MACROD2: variants seen among roughly 807,000 people sequenced by gnomAD.
The protein encoded by MACROD2 is ADP-ribose glycohydrolase MACROD2.
Under a neutral mutation model 70.4 loss-of-function variants are expected in MACROD2, and 36 were observed. The observed-to-expected ratio is 0.51, with a 90% confidence interval of 0.39 to 0.68. The LOEUF (loss-of-function observed/expected upper bound fraction) is 0.68. Ranked by LOEUF, MACROD2 falls within the 30% of genes least tolerant of loss-of-function variation. MACROD2 has a pLI of 0.00. For synonymous variants in MACROD2, 172 were observed against 178.8 expected, an observed-to-expected ratio of 0.96 and a Z score of 0.30; for missense variants, 496 against 538.4, an observed-to-expected ratio of 0.92 and a Z score of 0.78.
At chr20:15,332,986 G>A (rs2078009143) in intron 6 of MACROD2, among the ~76,000 whole-genome samples, 1 of 151,662 alleles carries the variant, frequency 6.6e-6, no homozygotes. Context: ...CCTGTAATGT[G>A]TGGTTAGAGG....
chr20:14,635,915 T>C (rs1206030566), intron 4 of MACROD2, among the ~76,000 whole-genome samples: 3 of 152,212 alleles, frequency 2.0e-5, no homozygotes, highest in Non-Finnish European at 4.4e-5. Flanking sequence ...TTCCCAATGA[T>C]ATGAGACAAA....
intron 8 of MACROD2, among the ~76,000 whole-genome samples, chr20:15,522,406 A>G (rs966218005): frequency 2.6e-5 from 4 of 152,238 alleles, no homozygotes; most frequent in Non-Finnish European, 5.9e-5. Context: ...GTTAGCTGAT[A>G]CTAAATCACA....
chr20:14,834,626 G>T (rs1178093556), intron 5 of MACROD2, among the ~76,000 whole-genome samples: 1 of 151,992 alleles, frequency 6.6e-6, no homozygotes, highest in Non-Finnish European at 1.5e-5. Flanking sequence ...ATATATTAGA[G>T]AATTTTTAAA....
Position 15,361,078 on chromosome 20 carries a change from A to G in MACROD2, c.541-70327A>G, listed in dbSNP as rs1172538261. ...TACATTTTGATAAAGTTTAATTTAT[A>G]GATTTTTTTCTTTTACAGATCATGC... On this transcript the variant is annotated intron_variant, in intron 6 of 17. Coordinates refer to ENST00000684519, the MANE Select transcript of MACROD2 (RefSeq NM_001351661.2). Among the ~76,000 whole-genome samples the G allele has an allele frequency of 2.6e-5, 4 of 152,104 alleles. No homozygotes were observed. In the East Asian group the frequency reaches 7.7e-4, roughly 29 times the overall value.
chr20:15,791,458 A>G (rs1478559401), intron 8 of MACROD2, among the ~76,000 whole-genome samples: 2 of 151,862 alleles, frequency 1.3e-5, no homozygotes, highest in African/African-American at 4.8e-5. Flanking sequence ...AAAAAAAAGG[A>G]TGTTCAAAAT....
At chr20:14,481,262 G>A (rs1262591153) in intron 3 of MACROD2, among the ~76,000 whole-genome samples, 1 of 151,944 alleles carries the variant, frequency 6.6e-6, no homozygotes, top group Non-Finnish European at 1.5e-5. Flanking sequence ...AGAAATATAT[G>A]CCCTCTTTAA....
chr20:15,201,826 A>G (rs138798093), intron 5 of MACROD2, among the ~76,000 whole-genome samples: 251 of 152,316 alleles, frequency 1.6e-3, no homozygotes, highest in African/African-American at 5.9e-3. Flanking sequence ...TCTGAGATAC[A>G]GGAAAAGAGA....
intron 2 of MACROD2, among the ~76,000 whole-genome samples, chr20:14,035,976 A>C (rs2053303516): frequency 6.6e-6 from 1 of 152,172 alleles, no homozygotes; most frequent in Non-Finnish European, 1.5e-5. Flanking sequence ...CCCCGTCTCT[A>C]CTAAAAATAC....
chr20:14,354,232 C>T (rs1277606772), intron 3 of MACROD2, among the ~76,000 whole-genome samples: 2 of 152,102 alleles, frequency 1.3e-5, no homozygotes, highest in East Asian at 3.8e-4. Flanking sequence ...GTTATTTGTA[C>T]TTTTCTTATT....
intron 5 of MACROD2, among the ~76,000 whole-genome samples, chr20:15,077,750 C>T (rs1342810259): frequency 6.6e-6 from 1 of 152,098 alleles, no homozygotes; most frequent in African/African-American, 2.4e-5. Flanking sequence ...TATATAGATG[C>T]CATTTCTTAC....
chr20:15,985,649 GTCAC>G (rs2066469962), intron 13 of MACROD2: 1 of 152,516 alleles, frequency 6.6e-6, no homozygotes, highest in African/African-American at 2.4e-5. Flanking sequence ...TTTGGATCCT[GTCAC>G]TCAGGCTGGC....
At chr20:15,047,638 A>G (rs1326260788) in intron 5 of MACROD2, among the ~76,000 whole-genome samples, 3 of 152,094 alleles carry the variant, frequency 2.0e-5, no homozygotes, top group Non-Finnish European at 1.5e-5. Context: ...TATTCTAGCC[A>G]CCCTGCCCCT....
At chr20:14,535,055 A>G (rs948444563) in intron 4 of MACROD2, among the ~76,000 whole-genome samples, 1 of 152,236 alleles carries the variant, frequency 6.6e-6, no homozygotes, top group Non-Finnish European at 1.5e-5. Flanking sequence ...GACTCTGTCT[A>G]TTGGGAGCTG....
chr20:14,009,986 G>T (rs574723941), intron 2 of MACROD2, among the ~76,000 whole-genome samples: 1 of 152,240 alleles, frequency 6.6e-6, no homozygotes, highest in African/African-American at 2.4e-5. Flanking sequence ...AAGGATGGGA[G>T]GAGTGAGAGC....
chr20:15,989,005 C>G (rs2147474781), intron 15 of MACROD2, among the ~76,000 whole-genome samples: 1 of 152,274 alleles, frequency 6.6e-6, no homozygotes, highest in Non-Finnish European at 1.5e-5. Context: ...GGACAAGTTA[C>G]TTAACCTATC....
chr20:15,861,324 C>G (rs1162001169), intron 8 of MACROD2, among the ~76,000 whole-genome samples: 1 of 152,204 alleles, frequency 6.6e-6, no homozygotes, highest in African/African-American at 2.4e-5. Flanking sequence ...TGAGCATTCA[C>G]TATTGCACAG....
At chr20:15,395,539 A>G (rs973135373) in intron 6 of MACROD2, among the ~76,000 whole-genome samples, 6 of 152,218 alleles carry the variant, frequency 3.9e-5, no homozygotes, top group African/African-American at 1.4e-4. Flanking sequence ...AGTCTCTGTC[A>G]CAACTACTTA....
chr20:14,472,023 T>C (rs1282279063), intron 3 of MACROD2, among the ~76,000 whole-genome samples: 1 of 152,208 alleles, frequency 6.6e-6, no homozygotes, highest in Non-Finnish European at 1.5e-5. Flanking sequence ...CATTGACTTA[T>C]TAAAAGTATT....
chr20:15,826,845 G>A lies in MACROD2; in HGVS notation c.646-35900G>A, dbSNP rs184637774. ...ATGTGTTTGCTACGGTCCTTCTAAA[G>A]TTCTCAGCATTTTTAATAACAAAAA... On this transcript the variant is annotated intron_variant, in intron 8 of 17. Coordinates refer to ENST00000684519, the MANE Select transcript of MACROD2 (RefSeq NM_001351661.2). 1.1e-3 allele frequency among the ~76,000 whole-genome samples: 163 copies of A among 152,260 alleles called. 1 individual carries two copies. The highest frequency in any genetic ancestry group is 3.7e-3 in the African/African-American group (155 of 41,554).
Sources: allele counts gnomAD v4.1 joint callset (sites outside exome capture counted in the v4.1 genomes callset), GRCh38; gene constraint gnomAD v4.1.1; transcripts MANE v1.5; gene names NCBI Gene and HGNC (gene_info 2026-07-23, HGNC 2026-07-21).